SKIL: variants seen among roughly 807,000 people sequenced by gnomAD.
SKIL encodes ski-like protein.
Under a neutral mutation model 69.6 loss-of-function variants are expected in SKIL, and 20 were observed. The ratio of observed to expected loss-of-function variants is 0.29; its 90% confidence interval spans 0.20 to 0.42. The LOEUF (loss-of-function observed/expected upper bound fraction) is 0.42. Among genes scored for constraint, SKIL ranks in the 10% least tolerant of loss-of-function variants. The pLI is 1.00. For synonymous variants in SKIL, 310 were observed against 279.9 expected (o/e 1.11, Z -1.08); for missense variants, 745 against 783.1 (o/e 0.95, Z 0.58).
chr3:170,373,722 CAAAAAAAATTA>C lies in SKIL; in HGVS notation c.1099-7510_1099-7500del, dbSNP rs143064745. Among the ~76,000 whole-genome samples the C allele has an allele frequency of 5.7e-3, 861 of 151,670 alleles. 26 individuals are homozygous for C. In the East Asian group the frequency reaches 0.093, roughly 16 times the overall value. On this transcript the variant is annotated intron_variant, in intron 2 of 6. Coordinates refer to ENST00000259119, the MANE Select transcript of SKIL (RefSeq NM_005414.5). ...CAACATAGTGCAACCCCTGTCTCTA[CAAAAAAAATTA>C]AAAAAAAATTAGTCAGGCTTGGTGG...
intron 2 of SKIL, among the ~76,000 whole-genome samples, chr3:170,371,186 C>G (rs991265735): frequency 6.6e-6 from 1 of 152,096 alleles, no homozygotes; most frequent in Non-Finnish European, 1.5e-5. Flanking sequence ...AAAAGCATTT[C>G]TAGAGTGCAT....
rs1258736462 is a variant in SKIL, at chr3:170,361,346, C to T, written c.1015C>T (p.Pro339Ser). ...TGTGAACCAAAAATACTTAGGAACA[C>T]CTGAAGAAAAGAAACTGAAGATAAT... ...LHVNQKYLGT[P>S]EEKKLKIILE... The change falls in exon 2 of 7, where the codon CCT (proline) becomes TCT (serine). Residue 339 changes from proline to serine, a missense_variant. By Grantham distance (74) the Pro-to-Ser change is moderately conservative. Coordinates refer to ENST00000259119, the MANE Select transcript of SKIL (RefSeq NM_005414.5). The T allele has an allele frequency of 2.5e-6, 4 of 1,610,934 alleles. No individual in the cohort carries two copies. Among genetic ancestry groups the T allele is most frequent in the Admixed American group, 3.4e-5 (2 of 59,312 alleles).
At chr3:170,378,604 T>C (rs1737162253) in intron 2 of SKIL, among the ~76,000 whole-genome samples, 1 of 134,746 alleles carries the variant, frequency 7.4e-6, no homozygotes, top group Admixed American at 9.1e-5. Context: ...CAGGTTGGAG[T>C]GCAGTGGCGC....
At chr3:170,377,473 T>C (rs980428826) in intron 2 of SKIL, among the ~76,000 whole-genome samples, 1 of 150,924 alleles carries the variant, frequency 6.6e-6, no homozygotes. Flanking sequence ...TTAAATCTTT[T>C]AAAAATATTA....
chr3:170,384,601 C>G lies in SKIL; in HGVS notation c.1265C>G (p.Ser422Cys), dbSNP rs775312128. ...NVSLTSAVSQ[S>C]KELTKTEASK... is the part of the protein sequence containing the mutation. ...TCACTTACTTCTGCTGTATCCCAGT[C>G]TAAAGAGCTCACAAAGACAGAGGCA... is the stretch of plus-strand genomic sequence containing the variant. Residue 422 changes from serine to cysteine, a missense_variant, in exon 4 of 7, where the codon TCT becomes TGT. Ser to Cys is a moderately radical substitution (Grantham distance 112). Coordinates refer to ENST00000259119, the MANE Select transcript of SKIL (RefSeq NM_005414.5). The G allele has an allele frequency of 6.2e-7, 1 of 1,613,212 alleles. No homozygotes were observed. The highest frequency in any genetic ancestry group is 8.5e-7 in the Non-Finnish European group (1 of 1,179,220).
Position 170,361,125 on chromosome 3 carries a change from A to C in SKIL, c.794A>C (p.Glu265Ala), listed in dbSNP as rs746561405. The change falls in exon 2 of 7, where the codon GAG (glutamate) becomes GCG (alanine). Residue 265 changes from glutamate (E) to alanine (A), a missense_variant. Glu to Ala is a moderately radical substitution (Grantham distance 107). Coordinates refer to ENST00000259119, the MANE Select transcript of SKIL (RefSeq NM_005414.5). ...LKETGSAFEV[E>A]HECLGKCQGL... The stretch of plus-strand genomic sequence containing the variant: ...GAAACTGGCAGTGCCTTTGAAGTGG[A>C]GCATGAATGCCTAGGCAAATGTCAG... The C allele has an allele frequency of 1.9e-6, 3 of 1,614,228 alleles. No homozygotes were observed. The highest frequency in any genetic ancestry group is 8.5e-7 in the Non-Finnish European group (1 of 1,180,042).
intron 4 of SKIL, among the ~76,000 whole-genome samples, chr3:170,386,895 A>G (rs1481639567): frequency 6.6e-6 from 1 of 152,240 alleles, no homozygotes; most frequent in Non-Finnish European, 1.5e-5. Flanking sequence ...GACTTCTAAA[A>G]AATTATTGAG....
rs1359894460 is a variant in SKIL at position 170,387,509 on chromosome 3, G to A, written c.1430-2714G>A. Among the ~76,000 whole-genome samples the A allele has an allele frequency of 2.7e-5, 4 of 147,758 alleles. 1 individual carries two copies. The highest frequency in any genetic ancestry group is 6.1e-5 in the Non-Finnish European group (4 of 65,824). ...TAATGTTTTCACAGTCCATGTTGTT[G>A]CATGTACCAGTACTTCTTTTTATGG... On this transcript the variant is annotated intron_variant, in intron 4 of 6. Coordinates refer to ENST00000259119, the MANE Select transcript of SKIL (RefSeq NM_005414.5).
Position 170,390,276 on chromosome 3 carries a change from T to G in SKIL, c.1483T>G (p.Cys495Gly). 1.2e-6 allele frequency: 2 copies of G among 1,613,356 alleles called. No individual in the cohort carries two copies. Among genetic ancestry groups the G allele is most frequent in the South Asian group, 2.2e-5 (2 of 91,064 alleles). ...TSKRKSESAT[C>G]NLVRDINKVG... ...TAAAAGGAAATCTGAGTCTGCCACT[T>G]GCAACTTAGTCAGAGACATAAACAA... Residue 495 changes from cysteine to glycine, a missense_variant, in exon 5 of 7, where the codon TGC becomes GGC. By Grantham distance (159) the Cys-to-Gly change is radical (BLOSUM62 -3). Coordinates refer to ENST00000259119, the MANE Select transcript of SKIL (RefSeq NM_005414.5).
At chr3:170,376,963 G>A (rs1454266954) in intron 2 of SKIL, among the ~76,000 whole-genome samples, 2 of 152,202 alleles carry the variant, frequency 1.3e-5, no homozygotes, top group East Asian at 3.9e-4. Context: ...TATTTGCCCC[G>A]GTCTATGCTA....
At position 170,396,418 on chromosome 3, in the gene SKIL, C is replaced by T. The variant is rs1234453795; in HGVS notation, c.*4001C>T. 6.6e-6 allele frequency: 1 copy of T among 152,116 alleles called. No homozygotes were observed. Among genetic ancestry groups the T allele is most frequent in the Non-Finnish European group, 1.5e-5 (1 of 68,016 alleles). The allele number at this position is 152,116 out of a possible 1,614,324, so 9.4% of individuals were successfully genotyped here. On this transcript the variant is annotated 3_prime_UTR_variant, in exon 7 of 7. Coordinates refer to ENST00000259119, the MANE Select transcript of SKIL (RefSeq NM_005414.5). The stretch of plus-strand genomic sequence containing the variant: ...GTTTATCCTGATAATTTTAAGCCAA[C>T]ATAGTAGTCTTAAATTACTTTTGAA...
Position 170,381,337 on chromosome 3 carries a change from C to T in SKIL, c.1192C>T (p.Pro398Ser). The change falls in exon 3 of 7, where the codon CCC becomes TCC. Residue 398 changes from proline (P) to serine (S), a missense_variant. Physicochemically the swap from Pro to Ser is moderately conservative, Grantham distance 74. Coordinates refer to ENST00000259119, the MANE Select transcript of SKIL (RefSeq NM_005414.5). Reference sequence around the variant, plus strand: ...TTCTCAGACACATTCATTTTTACACCCCAGGTGAGTTGGTATTTATTTGTT... The same window carrying T: ...TTCTCAGACACATTCATTTTTACACTCCAGGTGAGTTGGTATTTATTTGTT... ...HVSQTHSFLHPSYYLYMCDKV... is the reference protein window; with the variant it reads ...HVSQTHSFLHSSYYLYMCDKV... 1 of 1,480,204 alleles carries T rather than the reference C, an allele frequency of 6.8e-7. No individual in the cohort carries two copies. The highest frequency in any genetic ancestry group is 1.1e-5 in the South Asian group (1 of 88,396). 91.7% of individuals were successfully genotyped at this position (1,480,204 alleles called of 1,614,324 possible). A position where few individuals can be genotyped will look rare whatever the true frequency, so the allele number is the denominator to read the frequency against.
rs1342914184 is a variant in SKIL, at chr3:170,394,697, A to G, written c.*2280A>G. 3 of 152,294 alleles carry G rather than the reference A, an allele frequency of 2.0e-5. No individual in the cohort carries two copies. The highest frequency in any genetic ancestry group is 2.1e-4 in the South Asian group (1 of 4,820). The allele number at this position is 152,294 out of a possible 1,614,324, so 9.4% of individuals were successfully genotyped here. A position where few individuals can be genotyped will look rare whatever the true frequency, so the allele number is the denominator to read the frequency against. Reference sequence around the variant, plus strand: ...TGCCACATGACATTGTATCGTCTTCATTTTCCAGAAGATGCGTTGGTGTGC... The same window carrying G: ...TGCCACATGACATTGTATCGTCTTCGTTTTCCAGAAGATGCGTTGGTGTGC... On this transcript the variant is annotated 3_prime_UTR_variant, in exon 7 of 7. Transcript: ENST00000259119.
In SKIL at chr3:170,392,272, G is replaced by A; in HGVS notation, c.1910G>A (p.Arg637Lys). 6.2e-7 allele frequency: 1 copy of A among 1,602,418 alleles called. No homozygotes were observed. Among genetic ancestry groups the A allele is most frequent in the South Asian group, 1.1e-5 (1 of 88,220 alleles). The change falls in exon 7 of 7, where the codon AGG (arginine) becomes AAG (lysine). Residue 637 changes from arginine to lysine, a missense_variant. Arg to Lys is a conservative substitution (Grantham distance 26, BLOSUM62 2). Coordinates refer to ENST00000259119, the MANE Select transcript of SKIL (RefSeq NM_005414.5). ...AEYAGQLAEL[R>K]QRLDHAEADR... ...TAAATCACATAGTTGGCAGAACTGA[G>A]GCAGAGATTGGACCATGCTGAGGCC...
chr3:170,362,359 CG>C (rs1212995100), intron 2 of SKIL, among the ~76,000 whole-genome samples: 1 of 151,436 alleles, frequency 6.6e-6, no homozygotes, highest in Non-Finnish European at 1.5e-5. Context: ...AAAAATTAGA[CG>C]GATGTGGTGT....
chr3:170,365,544 C>T (rs964340690), intron 2 of SKIL, among the ~76,000 whole-genome samples: 2 of 152,088 alleles, frequency 1.3e-5, no homozygotes, highest in Non-Finnish European at 2.9e-5. Context: ...TGGTCCCAAG[C>T]ATTTCTGATA....
At chr3:170,380,654 AAAAAT>A (rs1326807591) in intron 2 of SKIL, among the ~76,000 whole-genome samples, 1 of 151,972 alleles carries the variant, frequency 6.6e-6, no homozygotes, top group Non-Finnish European at 1.5e-5. Flanking sequence ...AAAAAAAAAA[AAAAAT>A]AAATAAATAA....
In SKIL at chr3:170,395,652, G is replaced by A. The variant is rs1273153961; in HGVS notation, c.*3235G>A. 6.6e-6 allele frequency: 1 copy of A among 152,076 alleles called. No homozygotes were observed. Among genetic ancestry groups the A allele is most frequent in the African/African-American group, 2.4e-5 (1 of 41,452 alleles). 9.4% of individuals were successfully genotyped at this position (152,076 alleles called of 1,614,324 possible). ...CAGAATTAATTGCAAAGCTAGTGCT[G>A]AAGGATTTTAATCAGCTTCTAAAAT... is the stretch of plus-strand genomic sequence containing the variant. On this transcript the variant is annotated 3_prime_UTR_variant, in exon 7 of 7. Coordinates refer to ENST00000259119, the MANE Select transcript of SKIL (RefSeq NM_005414.5).
intron 2 of SKIL, among the ~76,000 whole-genome samples, chr3:170,374,349 G>A (rs1327557618): frequency 6.6e-6 from 1 of 152,112 alleles, no homozygotes; most frequent in Non-Finnish European, 1.5e-5. Context: ...TCATTTTGGG[G>A]TAAATAATGA....
Sources: allele counts gnomAD v4.1 joint callset (sites outside exome capture counted in the v4.1 genomes callset), GRCh38; gene constraint gnomAD v4.1.1; transcripts MANE v1.5; gene names NCBI Gene and HGNC (gene_info 2026-07-23, HGNC 2026-07-21).